Variants in KIRREL3 observed in about 807,000 individuals in gnomAD.
KIRREL3 encodes the protein kirre like nephrin family adhesion molecule 3, also known as kin of IRRE-like protein 3.
A neutral mutation model predicts 89.7 loss-of-function variants in KIRREL3; 36 were observed. The observed-to-expected ratio is 0.40, with a 90% CI of 0.31 to 0.53. KIRREL3 has a LOEUF of 0.53. Ranked by LOEUF, KIRREL3 falls within the 20% of genes least tolerant of loss-of-function variation. The pLI, the probability that KIRREL3 is intolerant of heterozygous loss-of-function variation, is 0.49. For missense variants in KIRREL3, 864 were observed against 1,056.6 expected (o/e 0.82, Z 2.53); for synonymous variants, 445 against 441.4 (o/e 1.01, Z -0.10).
chr11:126,472,703 G>GGAGAGAGAGAGTGAGAGAGAGAGA (rs1956928565), intron 5 of KIRREL3, among the ~76,000 whole-genome samples: 1 of 134,146 alleles, frequency 7.5e-6, no homozygotes, highest in African/African-American at 2.8e-5. Flanking sequence ...AGGACATAGA[G>GGAGAGAGAGAGTGAGAGAGAGAGA]GAGAGAGAGA....
chr11:126,902,154 T>C (rs1398725442), intron 1 of KIRREL3, among the ~76,000 whole-genome samples: 1 of 152,238 alleles, frequency 6.6e-6, no homozygotes, highest in Non-Finnish European at 1.5e-5. Context: ...CTCATCATCC[T>C]GGAACATGCA....
chr11:126,488,733 T>TA (rs1957431110), intron 4 of KIRREL3, among the ~76,000 whole-genome samples: 1 of 152,212 alleles, frequency 6.6e-6, no homozygotes, highest in Non-Finnish European at 1.5e-5. Flanking sequence ...GAAAGCCTGC[T>TA]AGGTGACTGC....
At position 126,647,772 on chromosome 11, in the gene KIRREL3, G is replaced by A. The variant is rs899660123; in HGVS notation, c.56-84860C>T. On this transcript the variant is annotated intron_variant, in intron 1 of 16. Coordinates refer to ENST00000525144, the MANE Select transcript of KIRREL3 (RefSeq NM_032531.4). This position sits in a 1 kb window ranked among gnomAD's most constrained non-coding sequence, Gnocchi z 4.9. ...GTTTCAACAGGGCAGTCTGAGTAGT[G>A]CTTTTAAAAACCTAAGTCAGAGGGA... Among the ~76,000 whole-genome samples, 6 of 152,152 alleles carry A rather than the reference G, an allele frequency of 3.9e-5. No homozygotes were observed. The highest frequency in any genetic ancestry group is 2.4e-5 in the African/African-American group (1 of 41,434).
rs1300291000 is a variant in KIRREL3, at chr11:126,771,794, T to C, written c.56-208882A>G. 6.6e-6 allele frequency among the ~76,000 whole-genome samples: 1 copy of C among 152,250 alleles called. No individual in the cohort carries two copies. Among genetic ancestry groups the C allele is most frequent in the African/African-American group, 2.4e-5 (1 of 41,462 alleles). On this transcript the variant is annotated intron_variant, in intron 1 of 16. Coordinates refer to ENST00000525144, the MANE Select transcript of KIRREL3 (RefSeq NM_032531.4). This position sits in a 1 kb window ranked among gnomAD's most constrained non-coding sequence, Gnocchi z 4.4. ...AACGTTTTCATGTGAAGCCACAGAT[T>C]TGGCACTGGCTAATCCAGGTAGGCA...
At chr11:126,928,406 T>C (rs528438155) in intron 1 of KIRREL3, among the ~76,000 whole-genome samples, 1 of 152,358 alleles carries the variant, frequency 6.6e-6, no homozygotes, top group Non-Finnish European at 1.5e-5. Flanking sequence ...CTTTAGGCAA[T>C]GGGCAGCGAT....
chr11:126,863,438 TGTGTGA>T (rs1944784207), intron 1 of KIRREL3, among the ~76,000 whole-genome samples: 2 of 134,888 alleles, frequency 1.5e-5, no homozygotes, highest in South Asian at 2.7e-4. Flanking sequence ...TGTGAGTGCG[TGTGTGA>T]GTGTGTGTGT....
Position 126,611,282 on chromosome 11 carries a change from C to T in KIRREL3, c.56-48370G>A, listed in dbSNP as rs1943117537. Among the ~76,000 whole-genome samples, 1 of 152,146 alleles carries T rather than the reference C, an allele frequency of 6.6e-6. No individual in the cohort carries two copies. The highest frequency in any genetic ancestry group is 1.5e-5 in the Non-Finnish European group (1 of 68,034). ...ATTACTGTTGTTCCTACCACCGCAC[C>T]CTCTCCCATTCCTTTCCTTCTCAAT... On this transcript the variant is annotated intron_variant, in intron 1 of 16. Coordinates refer to ENST00000525144, the MANE Select transcript of KIRREL3 (RefSeq NM_032531.4). The surrounding 1 kb of genome is among the most constrained non-coding windows in gnomAD (Gnocchi z 4.7).
intron 1 of KIRREL3, among the ~76,000 whole-genome samples, chr11:126,596,419 A>G (rs1942397964): frequency 6.6e-6 from 1 of 152,238 alleles, no homozygotes; most frequent in Non-Finnish European, 1.5e-5. Context: ...AACATGCCCA[A>G]TGTCACACAG....
chr11:126,515,531 G>A lies in KIRREL3; in HGVS notation c.433+5784C>T, dbSNP rs968852542. Among the ~76,000 whole-genome samples, 18 of 152,230 alleles carry A rather than the reference G, an allele frequency of 1.2e-4. No individual in the cohort carries two copies. Among genetic ancestry groups the A allele is most frequent in the South Asian group, 4.1e-4 (2 of 4,830 alleles). On this transcript the variant is annotated intron_variant, in intron 4 of 16. Coordinates refer to ENST00000525144, the MANE Select transcript of KIRREL3 (RefSeq NM_032531.4). The surrounding 1 kb of genome is among the most constrained non-coding windows in gnomAD (Gnocchi z 4.2). ...GGGCTCCAGAGAAGGCTTCCTGGAG[G>A]AGGAGTTGTCTGAGGTGAATCTTGA...
At position 126,492,911 on chromosome 11, in the gene KIRREL3, A is replaced by G. The variant is rs1169886244; in HGVS notation, c.434-19445T>C. On this transcript the variant is annotated intron_variant, in intron 4 of 16. Coordinates refer to ENST00000525144, the MANE Select transcript of KIRREL3 (RefSeq NM_032531.4). This position sits in a 1 kb window ranked among gnomAD's most constrained non-coding sequence, Gnocchi z 4.8. ...AAGACAGACCAGGGGATGAGGGTGG[A>G]GGAATTAAGTTAGACATGCCGCAGA... Among the ~76,000 whole-genome samples, 7 of 152,216 alleles carry G rather than the reference A, an allele frequency of 4.6e-5. No individual in the cohort carries two copies. The highest frequency in any genetic ancestry group is 1.7e-4 in the African/African-American group (7 of 41,528).
In KIRREL3 at chr11:126,533,859, G is replaced by T. The variant is rs112224108; in HGVS notation, c.134-7172C>A. 9.5e-3 allele frequency among the ~76,000 whole-genome samples: 1,446 copies of T among 152,250 alleles called. 20 individuals are homozygous for T. The highest frequency in any genetic ancestry group is 0.032 in the African/African-American group (1,344 of 41,524). On this transcript the variant is annotated intron_variant, in intron 2 of 16. Transcript: ENST00000525144. ...TCTGGGCCACTTGACTCCGGGGCTGGCTCACAACAAATGCTCAGGGGAAAC... is the reference window on the plus strand; with the variant it reads ...TCTGGGCCACTTGACTCCGGGGCTGTCTCACAACAAATGCTCAGGGGAAAC...
intron 4 of KIRREL3, among the ~76,000 whole-genome samples, chr11:126,479,149 C>T (rs1436564918): frequency 2.6e-5 from 4 of 152,144 alleles, no homozygotes; most frequent in Admixed American, 6.5e-5. Flanking sequence ...GCCGCAGACC[C>T]AGGGGCTCTG....
At position 126,537,584 on chromosome 11, in the gene KIRREL3, C is replaced by T. The variant is rs933229608; in HGVS notation, c.134-10897G>A. ...AGTACCTAACCGATGGGTCACCTGT[C>T]GGAGCCTGGGTCCTGGACAGTAGGA... is the stretch of plus-strand genomic sequence containing the variant. On this transcript the variant is annotated intron_variant, in intron 2 of 16. Transcript: ENST00000525144. The surrounding 1 kb of genome is among the most constrained non-coding windows in gnomAD (Gnocchi z 4.3). 1.3e-5 allele frequency among the ~76,000 whole-genome samples: 2 copies of T among 152,114 alleles called. No individual in the cohort carries two copies. The highest frequency in any genetic ancestry group is 2.9e-5 in the Non-Finnish European group (2 of 68,028).
Position 126,528,632 on chromosome 11 carries a change from G to C in KIRREL3, c.134-1945C>G, listed in dbSNP as rs1565526221. ...AGGACATTTTAATCAGCTATGTATG[G>C]TAGGTTTTTTTTTTCCTCTCTGTCT... On this transcript the variant is annotated intron_variant, in intron 2 of 16. Coordinates refer to ENST00000525144, the MANE Select transcript of KIRREL3 (RefSeq NM_032531.4). This position sits in a 1 kb window ranked among gnomAD's most constrained non-coding sequence, Gnocchi z 4.6. 6.6e-6 allele frequency among the ~76,000 whole-genome samples: 1 copy of C among 152,008 alleles called. No homozygotes were observed. Among genetic ancestry groups the C allele is most frequent in the East Asian group, 1.9e-4 (1 of 5,196 alleles).
chr11:126,868,267 C>A (rs965375962), intron 1 of KIRREL3, among the ~76,000 whole-genome samples: 1 of 114,198 alleles, frequency 8.8e-6, no homozygotes, highest in Non-Finnish European at 1.8e-5. Context: ...TGCACCAGTG[C>A]GGTCCAGCAG....
intron 1 of KIRREL3, among the ~76,000 whole-genome samples, chr11:126,942,342 A>G (rs1948478479): frequency 2.0e-5 from 3 of 152,176 alleles, no homozygotes; most frequent in Admixed American, 2.0e-4. Context: ...TGTCATCATC[A>G]TCATCATCAT....
At chr11:126,790,401 T>C (rs1950601735) in intron 1 of KIRREL3, among the ~76,000 whole-genome samples, 1 of 152,234 alleles carries the variant, frequency 6.6e-6, no homozygotes, top group Non-Finnish European at 1.5e-5. Flanking sequence ...CCTGGTTAGC[T>C]TGATGACATT....
intron 1 of KIRREL3, among the ~76,000 whole-genome samples, chr11:126,674,971 T>C (rs1049629349): frequency 1.3e-5 from 2 of 152,350 alleles, no homozygotes; most frequent in African/African-American, 4.8e-5. Context: ...AAGCACCTGA[T>C]GGGATTTGCC....
At chr11:126,589,420 G>T (rs1454564145) in intron 1 of KIRREL3, among the ~76,000 whole-genome samples, 3 of 152,176 alleles carry the variant, frequency 2.0e-5, no homozygotes, top group Non-Finnish European at 2.9e-5. Context: ...TGTGGCAGCC[G>T]CCCTCCGCCC....
Sources: gnomAD v4.1 joint callset for allele counts (sites outside exome capture counted in the v4.1 genomes callset) on GRCh38, gnomAD v4.1.1 for gene constraint, Gnocchi (gnomAD v3.1) non-coding constraint, MANE v1.5 for transcripts, NCBI Gene and HGNC (gene_info 2026-07-23, HGNC 2026-07-21) for gene names.